The following DMD variants were observed in gnomAD, a reference collection of about 807,000 sequenced individuals.
The protein encoded by DMD is dystrophin.
In DMD, 63 loss-of-function variants were observed where a neutral mutation model predicts 330.1. That is an observed-to-expected ratio of 0.19 (90% CI 0.16 to 0.24). The LOEUF (loss-of-function observed/expected upper bound fraction) is 0.24, where lower values mean the gene tolerates loss of function less well. DMD is among the 10% of genes least tolerant of loss of function. DMD has a pLI of 1.00. For missense variants in DMD, 3,344 were observed against 2,684.1 expected, an observed-to-expected ratio of 1.25 and a Z score of -5.43; for synonymous variants, 1,223 against 959.8, an observed-to-expected ratio of 1.27 and a Z score of -5.07.
intron 42 of DMD, among the ~76,000 whole-genome samples, chrX:32,305,524 A>T (rs1404046006): frequency 3.6e-5 from 4 of 111,083 alleles, no homozygotes; most frequent in African/African-American, 1.3e-4. Context: ...TAATTTCAAA[A>T]TATTTCCAGA....
Position 32,073,066 on chromosome X carries a change from G to A in DMD, c.6439-104552C>T, listed in dbSNP as rs190518909. On this transcript the variant is annotated intron_variant, in intron 44 of 78. Coordinates refer to ENST00000357033, the MANE Select transcript of DMD (RefSeq NM_004006.3). ...AACACAAGGCCAGTCTGCTAAATTC[G>A]TATGTTGCAAAAACGTACTTACTAC... 8.3e-4 allele frequency among the ~76,000 whole-genome samples: 93 copies of A among 111,870 alleles called. 1 individual carries two copies. The highest frequency in any genetic ancestry group is 7.0e-4 in the Non-Finnish European group (37 of 53,166).
At chrX:32,560,545 T>C (rs1196310589) in intron 16 of DMD, among the ~76,000 whole-genome samples, 1 of 110,634 alleles carries the variant, frequency 9.0e-6, no homozygotes, top group Non-Finnish European at 1.9e-5. Flanking sequence ...ACCCATTAGG[T>C]AGATATTGAG....
intron 61 of DMD, among the ~76,000 whole-genome samples, chrX:31,325,717 G>A (rs2056738155): frequency 9.0e-6 from 1 of 111,556 alleles, no homozygotes; most frequent in Admixed American, 9.5e-5. Flanking sequence ...CTCTATAGCA[G>A]GAAACATGGT....
chrX:31,910,701 G>A (rs1316903839), intron 47 of DMD, among the ~76,000 whole-genome samples: 1 of 111,682 alleles, frequency 9.0e-6, no homozygotes, highest in South Asian at 3.7e-4. Flanking sequence ...GGATTAGAAA[G>A]GAGAAGTCAG....
intron 2 of DMD, among the ~76,000 whole-genome samples, chrX:32,909,417 G>A (rs186833309): frequency 1.7e-3 from 186 of 111,636 alleles, no homozygotes; most frequent in African/African-American, 5.8e-3. Flanking sequence ...TAGTATTTCC[G>A]TGGGGGTAAT....
chrX:32,418,579 T>A (rs188411014), intron 29 of DMD, among the ~76,000 whole-genome samples: 1 of 111,563 alleles, frequency 9.0e-6, no homozygotes, highest in Admixed American at 9.6e-5. Context: ...TTGGTAACTT[T>A]GCTGAACAAC....
At chrX:33,096,514 TA>T (rs753332561) in intron 1 of DMD, among the ~76,000 whole-genome samples, 2,441 of 103,830 alleles carry the variant, frequency 0.024, 107 homozygotes, top group African/African-American at 0.078. Flanking sequence ...TTTTTTTTTT[TA>T]TTTTTTTGAG....
Position 32,632,555 on chromosome X carries a change from T to C in DMD, c.1331+11577A>G, listed in dbSNP as rs191151245. Reference sequence around the variant, plus strand: ...TCTGCCCCTGGAGCAGGCTTCTGCCTGGAAACCCAGGCTTTTCCATACAAC... The same window carrying C: ...TCTGCCCCTGGAGCAGGCTTCTGCCCGGAAACCCAGGCTTTTCCATACAAC... On this transcript the variant is annotated intron_variant, in intron 11 of 78. Transcript: ENST00000357033. Among the ~76,000 whole-genome samples the C allele has an allele frequency of 5.8e-3, 657 of 112,712 alleles. 4 individuals are homozygous for C. Among genetic ancestry groups the C allele is most frequent in the African/African-American group, 0.019 (588 of 31,072 alleles).
chrX:31,387,607 C>T (rs1279257280), intron 60 of DMD, among the ~76,000 whole-genome samples: 5 of 111,564 alleles, frequency 4.5e-5, no homozygotes, highest in Non-Finnish European at 9.4e-5. Flanking sequence ...GCCATGTTGG[C>T]CAGGCTGGTC....
chrX:32,520,797 C>A (rs2046342956), intron 17 of DMD, among the ~76,000 whole-genome samples: 1 of 110,345 alleles, frequency 9.1e-6, no homozygotes, highest in Non-Finnish European at 1.9e-5. Context: ...GCAACCCAAA[C>A]TAAGGCAATA....
At chrX:31,284,608 T>TCTTCTTCTTCTTC (rs2053009274) in intron 62 of DMD, among the ~76,000 whole-genome samples, 1 of 28,043 alleles carries the variant, frequency 3.6e-5, no homozygotes, top group African/African-American at 1.0e-4. Flanking sequence ...TCTTCTTCTT[T>TCTTCTTCTTCTTC]TTTTTGGCAG....
At chrX:31,828,288 A>G (rs1269559659) in intron 49 of DMD, among the ~76,000 whole-genome samples, 1 of 111,904 alleles carries the variant, frequency 8.9e-6, no homozygotes, top group Non-Finnish European at 1.9e-5. Context: ...ACCTTTATGC[A>G]CACAAACTAG....
chrX:32,261,895 T>C (rs185911593), intron 43 of DMD, among the ~76,000 whole-genome samples: 1 of 107,297 alleles, frequency 9.3e-6, no homozygotes, highest in Admixed American at 1.0e-4. Flanking sequence ...TCAGGACTAG[T>C]TATTTTAAAC....
chrX:31,249,382 C>A (rs1447255537), intron 63 of DMD, among the ~76,000 whole-genome samples: 1 of 111,392 alleles, frequency 9.0e-6, no homozygotes, highest in Non-Finnish European at 1.9e-5. Context: ...TCTGGTACTA[C>A]AGGCAGACGC....
intron 52 of DMD, among the ~76,000 whole-genome samples, chrX:31,710,712 G>C (rs1603450247): frequency 9.0e-6 from 1 of 111,328 alleles, no homozygotes; most frequent in Non-Finnish European, 1.9e-5. Context: ...AGTGCCTTGT[G>C]AGTTTGTGTA....
At chrX:32,563,253 G>C (rs1569208761) in intron 16 of DMD, among the ~76,000 whole-genome samples, 2 of 103,328 alleles carry the variant, frequency 1.9e-5, no homozygotes, top group Non-Finnish European at 3.9e-5. Flanking sequence ...TGAGGCAGGA[G>C]AACGGTGTGA....
chrX:33,288,912 G>T (rs1382129480), intron 1 of DMD, among the ~76,000 whole-genome samples: 1 of 110,892 alleles, frequency 9.0e-6, no homozygotes, highest in East Asian at 2.9e-4. Flanking sequence ...GTCGAAAAGG[G>T]CTCAGTTACT....
chrX:33,128,549 A>C (rs1264047548), intron 1 of DMD: 3 of 668,984 alleles, frequency 4.5e-6, no homozygotes, highest in Non-Finnish European at 5.4e-6. Flanking sequence ...CGTCTGCTTT[A>C]TATAGGATTT....
At chrX:31,684,228 T>C (rs1248394619) in intron 52 of DMD, among the ~76,000 whole-genome samples, 1 of 111,822 alleles carries the variant, frequency 8.9e-6, no homozygotes, top group Non-Finnish European at 1.9e-5. Flanking sequence ...TATCCAACCA[T>C]AGATCATTAT....
Sources: gnomAD v4.1 joint callset for allele counts (sites outside exome capture counted in the v4.1 genomes callset) on GRCh38, gnomAD v4.1.1 for gene constraint, MANE v1.5 for transcripts, NCBI Gene and HGNC (gene_info 2026-07-23, HGNC 2026-07-21) for gene names.